PAM: variants seen among roughly 807,000 people sequenced by gnomAD.
PAM encodes the protein peptidyl-glycine alpha-amidating monooxygenase.
In PAM, 72 loss-of-function variants were observed where a neutral mutation model predicts 122.1. The observed-to-expected ratio is 0.59, with a 90% CI of 0.49 to 0.72. The LOEUF (loss-of-function observed/expected upper bound fraction) is 0.72. Among genes scored for constraint, PAM ranks in the 30% least tolerant of loss-of-function variants. The pLI is 0.00. For synonymous variants in PAM, 389 were observed against 404.4 expected, an observed-to-expected ratio of 0.96 and a Z score of 0.46; for missense variants, 1,106 against 1,183.7, an observed-to-expected ratio of 0.93 and a Z score of 0.96.
At chr5:102,989,137 A>T (rs1338956136) in intron 15 of PAM, among the ~76,000 whole-genome samples, 1 of 152,180 alleles carries the variant, frequency 6.6e-6, no homozygotes, top group East Asian at 1.9e-4. Context: ...TCATCTTCAT[A>T]ACTGTATATC....
intron 17 of PAM, among the ~76,000 whole-genome samples, chr5:103,003,407 T>C (rs1582792407): frequency 6.6e-6 from 1 of 152,310 alleles, no homozygotes; most frequent in Non-Finnish European, 1.5e-5. Context: ...GAACTGTCTG[T>C]TCAGGTCCTT....
chr5:103,024,309 A>G, intron 23 of PAM, among the ~76,000 whole-genome samples: 1 of 152,136 alleles, frequency 6.6e-6, no homozygotes, highest in East Asian at 1.9e-4. Flanking sequence ...CAGCTTATAT[A>G]GTTTCATTGC....
chr5:102,997,440 G>A (rs936829929), intron 16 of PAM, among the ~76,000 whole-genome samples: 10 of 151,982 alleles, frequency 6.6e-5, no homozygotes, highest in African/African-American at 2.2e-4. Context: ...GATCACATGA[G>A]TCTGGTAGGT....
intron 1 of PAM, among the ~76,000 whole-genome samples, chr5:102,861,337 C>G (rs1312949436): frequency 6.6e-6 from 1 of 152,180 alleles, no homozygotes; most frequent in Admixed American, 6.5e-5. Context: ...ACAATTAACA[C>G]AGATATAGTG....
chr5:103,002,150 A>G (rs1441919807), intron 16 of PAM, among the ~76,000 whole-genome samples: 1 of 152,106 alleles, frequency 6.6e-6, no homozygotes, highest in East Asian at 1.9e-4. Context: ...AGATTAGAAG[A>G]GCTTATCTTT....
intron 12 of PAM, among the ~76,000 whole-genome samples, chr5:102,951,621 C>A (rs975312320): frequency 1.3e-5 from 2 of 151,882 alleles, no homozygotes. Flanking sequence ...ATGATTCTTG[C>A]GATAGCAACA....
chr5:102,834,303 T>A (rs1319108848), intron 1 of PAM, among the ~76,000 whole-genome samples: 3 of 152,210 alleles, frequency 2.0e-5, no homozygotes, highest in Admixed American at 2.0e-4. Flanking sequence ...TATTATAGTT[T>A]ACAGGTAGCT....
intron 15 of PAM, among the ~76,000 whole-genome samples, chr5:102,980,137 G>C (rs925366525): frequency 6.6e-6 from 1 of 152,076 alleles, no homozygotes; most frequent in Non-Finnish European, 1.5e-5. Context: ...AAGCAATCAA[G>C]CTTGAAATAA....
intron 16 of PAM, 88 bp from the exon 17 acceptor site, chr5:103,002,945 G>T: frequency 1.4e-6 from 1 of 708,448 alleles, no homozygotes; most frequent in South Asian, 1.6e-5. Context: ...GAGCTCTTTT[G>T]ATTTTGTATT....
intron 12 of PAM, among the ~76,000 whole-genome samples, chr5:102,956,845 A>C (rs1211718147): frequency 6.6e-6 from 1 of 152,130 alleles, no homozygotes; most frequent in Non-Finnish European, 1.5e-5. Flanking sequence ...GTTTGAAATG[A>C]AATTTTTACT....
intron 6 of PAM, among the ~76,000 whole-genome samples, chr5:102,926,150 A>G (rs1029390855): frequency 4.0e-5 from 6 of 151,864 alleles, no homozygotes; most frequent in African/African-American, 1.5e-4. Flanking sequence ...TGCGGACTGC[A>G]GTGGCGCAAT....
intron 14 of PAM, among the ~76,000 whole-genome samples, chr5:102,968,589 A>C (rs1447853814): frequency 6.6e-6 from 1 of 152,178 alleles, no homozygotes; most frequent in East Asian, 1.9e-4. Flanking sequence ...TAAGCAGCAA[A>C]CGTCTCCATT....
At position 102,913,981 on chromosome 5, in the gene PAM, CT is replaced by C; in HGVS notation, c.321del (p.Phe107LeufsTer89). The C allele has an allele frequency of 6.2e-7, 1 of 1,607,648 alleles. No individual in the cohort carries two copies. Among genetic ancestry groups the C allele is most frequent in the Non-Finnish European group, 8.5e-7 (1 of 1,174,438 alleles). ...ASMDTVHHML[L>X]FGCNMPSSTG... ...CATGGATACTGTCCATCACATGTTA[CT>C]TTTTGGATGCAATATGCCTTCATCC... On this transcript the variant is annotated frameshift_variant, in exon 5 of 26. Coordinates refer to ENST00000438793, the MANE Select transcript of PAM (RefSeq NM_001177306.2). LOFTEE classifies it high-confidence loss of function.
intron 1 of PAM, among the ~76,000 whole-genome samples, chr5:102,827,594 G>A (rs530073088): frequency 1.2e-3 from 187 of 151,330 alleles, no homozygotes; most frequent in Non-Finnish European, 2.3e-3. Context: ...TTCATGAGGC[G>A]TGATTTTTTA....
intron 7 of PAM, among the ~76,000 whole-genome samples, chr5:102,946,312 G>C (rs1582017125): frequency 6.6e-6 from 1 of 152,148 alleles, no homozygotes; most frequent in East Asian, 1.9e-4. Flanking sequence ...ACTGTGGAAA[G>C]CTGTACTGGA....
At chr5:103,012,936 GTC>G (rs774692325) in intron 21 of PAM, among the ~76,000 whole-genome samples, 47 of 151,958 alleles carry the variant, frequency 3.1e-4, no homozygotes, top group Non-Finnish European at 3.1e-4. Flanking sequence ...TGGTCTATGT[GTC>G]TGTTTTTATG....
At chr5:102,960,267 T>C (rs564724437) in intron 13 of PAM, among the ~76,000 whole-genome samples, 2 of 152,030 alleles carry the variant, frequency 1.3e-5, no homozygotes, top group East Asian at 3.9e-4. Context: ...AAGAGGAAAA[T>C]CTCAGCCAGG....
chr5:102,960,681 T>C (rs1237220943), intron 13 of PAM, among the ~76,000 whole-genome samples: 2 of 151,848 alleles, frequency 1.3e-5, no homozygotes, highest in Admixed American at 6.6e-5. Flanking sequence ...TGAGACTTGA[T>C]TGAGTTTTGC....
At position 102,946,896 on chromosome 5, in the gene PAM, C is replaced by A; in HGVS notation, c.575+11C>A. The stretch of plus-strand genomic sequence containing the variant: ...CCTCACACGTCTGCCGTAAGTACTT[C>A]CATTTTTCCTAGAGGAGCAGCAACT... On this transcript the variant is annotated intron_variant, in intron 8 of 25. Transcript: ENST00000438793. 6.3e-7 allele frequency: 1 copy of A among 1,576,246 alleles called. No individual in the cohort carries two copies. Among genetic ancestry groups the A allele is most frequent in the Non-Finnish European group, 8.7e-7 (1 of 1,146,708 alleles).
Sources: allele counts gnomAD v4.1 joint callset (sites outside exome capture counted in the v4.1 genomes callset), GRCh38; gene constraint gnomAD v4.1.1; transcripts MANE v1.5; gene names NCBI Gene and HGNC (gene_info 2026-07-23, HGNC 2026-07-21).